Variants in OPRM1 observed in about 807,000 individuals in gnomAD.
OPRM1 encodes the protein opioid receptor mu 1, also known as mu-type opioid receptor.
Under a neutral mutation model 31.8 loss-of-function variants are expected in OPRM1, and 27 were observed. That is an observed-to-expected ratio of 0.85 (90% CI 0.63 to 1.17). The LOEUF is 1.17. OPRM1 is among the 50% of genes most tolerant of loss of function. The pLI is 0.00. For missense variants in OPRM1, 536 were observed against 511.1 expected, an observed-to-expected ratio of 1.05 and a Z score of -0.47; for synonymous variants, 196 against 189.9, an observed-to-expected ratio of 1.03 and a Z score of -0.26.
intron 3 of OPRM1, among the ~76,000 whole-genome samples, chr6:154,231,863 A>G (rs1193353438): frequency 6.6e-6 from 1 of 152,202 alleles, no homozygotes; most frequent in Admixed American, 6.5e-5. Flanking sequence ...AAGAAAAGCA[A>G]TTCTCGAAAT....
At chr6:154,144,607 G>C (rs984016461) in intron 3 of OPRM1, among the ~76,000 whole-genome samples, 2 of 151,946 alleles carry the variant, frequency 1.3e-5, no homozygotes, top group South Asian at 2.1e-4. Context: ...AATTAGCTGG[G>C]TGTGGTGGTG....
intron 3 of OPRM1, among the ~76,000 whole-genome samples, chr6:154,146,822 G>A (rs1378892059): frequency 6.6e-6 from 1 of 152,194 alleles, no homozygotes; most frequent in Non-Finnish European, 1.5e-5. Flanking sequence ...CCAGAGAAGA[G>A]TTGGGGCCAG....
chr6:154,201,081 T>A (rs1777032273), intron 3 of OPRM1, among the ~76,000 whole-genome samples: 1 of 152,198 alleles, frequency 6.6e-6, no homozygotes, highest in Admixed American at 6.5e-5. Flanking sequence ...GCTGCCACCA[T>A]GTAAGATGTG....
chr6:154,057,856 A>G (rs1783624605), intron 1 of OPRM1, among the ~76,000 whole-genome samples: 1 of 152,214 alleles, frequency 6.6e-6, no homozygotes, highest in African/African-American at 2.4e-5. Flanking sequence ...GGCAAGAGAA[A>G]AATCAAGCCG....
At chr6:154,101,751 A>T (rs970098770) in intron 3 of OPRM1, among the ~76,000 whole-genome samples, 1 of 152,210 alleles carries the variant, frequency 6.6e-6, no homozygotes, top group African/African-American at 2.4e-5. Flanking sequence ...AATGTAAAAG[A>T]TGATAGTGAA....
chr6:154,093,120 G>T (rs1792665296), intron 3 of OPRM1: 3 of 639,370 alleles, frequency 4.7e-6, no homozygotes, highest in Non-Finnish European at 7.8e-6. Context: ...GATTTAAATA[G>T]ATTTTCACCA....
At chr6:154,059,449 T>C (rs1783975668) in intron 1 of OPRM1, among the ~76,000 whole-genome samples, 2 of 152,202 alleles carry the variant, frequency 1.3e-5, no homozygotes, top group South Asian at 4.1e-4. Flanking sequence ...ATCAGGAAAC[T>C]GGTCAAGAGA....
chr6:154,199,567 C>T (rs1776907454), intron 3 of OPRM1: 1 of 1,317,048 alleles, frequency 7.6e-7, no homozygotes, highest in South Asian at 1.5e-5. Flanking sequence ...ATTGAATCAT[C>T]ATTCATGAGT....
At chr6:154,148,484 C>T (rs934370260) in intron 3 of OPRM1, among the ~76,000 whole-genome samples, 1 of 151,966 alleles carries the variant, frequency 6.6e-6, no homozygotes, top group Non-Finnish European at 1.5e-5. Context: ...ATCTCTGCCA[C>T]CATGTCTTCT....
chr6:154,221,465 T>C (rs1440450163), intron 3 of OPRM1: 15 of 680,306 alleles, frequency 2.2e-5, no homozygotes, highest in Non-Finnish European at 3.5e-5. Context: ...AATTTAGTAA[T>C]ATTAGATACC....
chr6:154,214,679 ATT>A (rs1321994871), intron 3 of OPRM1, among the ~76,000 whole-genome samples: 4 of 152,218 alleles, frequency 2.6e-5, no homozygotes, highest in Admixed American at 6.5e-5. Flanking sequence ...ATGTCAGTTT[ATT>A]TTAGAAAAAA....
chr6:154,064,195 C>T (rs918294793), intron 1 of OPRM1, among the ~76,000 whole-genome samples: 4 of 152,048 alleles, frequency 2.6e-5, no homozygotes, highest in African/African-American at 9.7e-5. Context: ...AGGTGTCTCA[C>T]TGTGGTTTAA....
intron 3 of OPRM1, among the ~76,000 whole-genome samples, chr6:154,229,571 C>T (rs1436217878): frequency 3.3e-5 from 5 of 151,748 alleles, no homozygotes; most frequent in Admixed American, 2.0e-4. Flanking sequence ...TTAGCCAGGA[C>T]GGTCTCGATC....
At chr6:154,187,019 G>T (rs897898333) in intron 3 of OPRM1, among the ~76,000 whole-genome samples, 1 of 151,688 alleles carries the variant, frequency 6.6e-6, no homozygotes, top group Admixed American at 6.6e-5. Flanking sequence ...CTCTGCTCCT[G>T]GCCACACGCC....
intron 1 of OPRM1, among the ~76,000 whole-genome samples, chr6:154,017,705 G>A (rs1231395191): frequency 6.6e-6 from 1 of 152,240 alleles, no homozygotes. Flanking sequence ...TAACTTCCTC[G>A]ATTTCCCATT....
intron 1 of OPRM1, among the ~76,000 whole-genome samples, chr6:154,055,872 A>C (rs1426764042): frequency 6.6e-6 from 1 of 152,222 alleles, no homozygotes; most frequent in Non-Finnish European, 1.5e-5. Context: ...GTGTGAAAGA[A>C]TCTCAAGCAG....
intron 3 of OPRM1, among the ~76,000 whole-genome samples, chr6:154,194,525 C>G (rs1776430998): frequency 2.0e-5 from 3 of 152,088 alleles, no homozygotes; most frequent in Non-Finnish European, 2.9e-5. Flanking sequence ...TCCAACTCCT[C>G]AACCCCTCCT....
chr6:154,118,649 A>G, intron 3 of OPRM1, 34 bp from the exon 4 acceptor site: 1 of 1,608,348 alleles, frequency 6.2e-7, no homozygotes. Flanking sequence ...CGTATCTGAA[A>G]TGTTCACTGT....
At chr6:154,196,887 G>C (rs983473323) in intron 3 of OPRM1, among the ~76,000 whole-genome samples, 1 of 152,160 alleles carries the variant, frequency 6.6e-6, no homozygotes, top group African/African-American at 2.4e-5. Flanking sequence ...ATGTCTAACA[G>C]AGTATTTAAA....
Sources: allele counts gnomAD v4.1 joint callset (sites outside exome capture counted in the v4.1 genomes callset), GRCh38; gene constraint gnomAD v4.1.1; transcripts MANE v1.5; gene names NCBI Gene and HGNC (gene_info 2026-07-23, HGNC 2026-07-21).